The following E2F3 variants were observed in gnomAD, a reference collection of about 807,000 sequenced individuals.
E2F3 encodes the protein E2F transcription factor 3, also known as transcription factor E2F3.
A neutral mutation model predicts 44.4 loss-of-function variants in E2F3; 11 were observed. That is an observed-to-expected ratio of 0.25 (90% CI 0.16 to 0.41). E2F3 has a LOEUF of 0.41. E2F3 is among the 10% of genes least tolerant of loss of function. The pLI, the probability that E2F3 is intolerant of heterozygous loss-of-function variation, is 1.00. For missense variants in E2F3, 487 were observed against 583.6 expected, an observed-to-expected ratio of 0.83 and a Z score of 1.70; for synonymous variants, 249 against 253.0, an observed-to-expected ratio of 0.98 and a Z score of 0.15.
chr6:20,469,011 G>A (rs962632617), intron 1 of E2F3, among the ~76,000 whole-genome samples: 1 of 152,154 alleles, frequency 6.6e-6, no homozygotes, highest in Non-Finnish European at 1.5e-5. Flanking sequence ...AGAGCTTCAG[G>A]CAGGAGGAAA....
In E2F3 at chr6:20,493,530, T is replaced by A. The variant is rs1762608542; in HGVS notation, c.*3100T>A. ...AGTTTAGCTTTGTGTTGTATGCTAG[T>A]TTAAAAAAGAAAATATGTAATATAA... On this transcript the variant is annotated 3_prime_UTR_variant, in exon 7 of 7. Transcript: ENST00000346618. 1 of 218,916 alleles carries A rather than the reference T, an allele frequency of 4.6e-6. No individual in the cohort carries two copies. The highest frequency in any genetic ancestry group is 9.2e-6 in the Non-Finnish European group (1 of 109,022). 13.6% of individuals were successfully genotyped at this position (218,916 alleles called of 1,614,324 possible).
intron 1 of E2F3, among the ~76,000 whole-genome samples, chr6:20,428,767 T>C (rs1760300495): frequency 6.6e-6 from 1 of 152,254 alleles, no homozygotes; most frequent in Non-Finnish European, 1.5e-5. Flanking sequence ...TAAATCTATT[T>C]TAATTGTTCC....
At chr6:20,412,768 G>T (rs1303442199) in intron 1 of E2F3, among the ~76,000 whole-genome samples, 2 of 152,182 alleles carry the variant, frequency 1.3e-5, no homozygotes, top group Admixed American at 6.5e-5. Flanking sequence ...TTCTCAAAAT[G>T]CCAGAAATCT....
In E2F3 at chr6:20,490,478, G is replaced by A; in HGVS notation, c.*48G>A. On this transcript the variant is annotated 3_prime_UTR_variant, in exon 7 of 7. Coordinates refer to ENST00000346618, the MANE Select transcript of E2F3 (RefSeq NM_001949.5). This position sits in a 1 kb window ranked among gnomAD's most constrained non-coding sequence, Gnocchi z 4.3. ...TTAAAAACCGATATTTTTTTATCAT[G>A]GAACCAGAACATCTGTCATGCAGTG... is the stretch of plus-strand genomic sequence containing the variant. 2 of 1,514,158 alleles carry A rather than the reference G, an allele frequency of 1.3e-6. No homozygotes were observed. Among genetic ancestry groups the A allele is most frequent in the Non-Finnish European group, 1.8e-6 (2 of 1,128,950 alleles). 93.8% of individuals were successfully genotyped at this position (1,514,158 alleles called of 1,614,324 possible).
intron 1 of E2F3, among the ~76,000 whole-genome samples, chr6:20,477,166 G>T (rs574533828): frequency 6.6e-6 from 1 of 151,922 alleles, no homozygotes; most frequent in African/African-American, 2.4e-5. Flanking sequence ...GTGATGGGGG[G>T]TCTTGCTACG....
intron 1 of E2F3, among the ~76,000 whole-genome samples, chr6:20,466,129 T>G (rs9295470): frequency 0.93 from 137,567 of 147,720 alleles, 64,134 homozygotes; most frequent in East Asian, 1. Context: ...GGGCGGGGGG[T>G]GTGGGCAGAG....
intron 1 of E2F3, among the ~76,000 whole-genome samples, chr6:20,429,399 G>A (rs972335090): frequency 2.0e-5 from 3 of 152,090 alleles, no homozygotes; most frequent in Admixed American, 2.0e-4. Flanking sequence ...AATACCACCT[G>A]GGACTTGAGT....
chr6:20,431,487 G>C (rs530473343), intron 1 of E2F3, among the ~76,000 whole-genome samples: 1 of 152,246 alleles, frequency 6.6e-6, no homozygotes, highest in Admixed American at 6.5e-5. Flanking sequence ...GGAGCAGACT[G>C]AACATATTGC....
rs1761605228 is a variant in E2F3 at position 20,463,738 on chromosome 6, A to G, written c.394-16108A>G. On this transcript the variant is annotated intron_variant, in intron 1 of 6. Transcript: ENST00000346618. Reference sequence around the variant, plus strand: ...TCCCTAGACATCAAGCAAGCAATTCATTCTGCAGTGGACACCAGCTGGGTG... The same window carrying G: ...TCCCTAGACATCAAGCAAGCAATTCGTTCTGCAGTGGACACCAGCTGGGTG... Among the ~76,000 whole-genome samples, 4 of 152,180 alleles carry G rather than the reference A, an allele frequency of 2.6e-5. No individual in the cohort carries two copies. In the South Asian group the frequency reaches 8.3e-4, roughly 31 times the overall value.
In E2F3 at chr6:20,480,024, G is replaced by A; in HGVS notation, c.505+67G>A. 10 of 1,533,002 alleles carry A rather than the reference G, an allele frequency of 6.5e-6. No homozygotes were observed. In the South Asian group the frequency reaches 1.2e-4, roughly 19 times the overall value. The allele number at this position is 1,533,002 out of a possible 1,614,324, so 95.0% of individuals were successfully genotyped here. ...GCATTTCCAAGTTTCAAAGCTTATG[G>A]CCGGAAGGATGCCAAGGTGTGAATA... On this transcript the variant is annotated intron_variant, in intron 2 of 6. Coordinates refer to ENST00000346618, the MANE Select transcript of E2F3 (RefSeq NM_001949.5).
At chr6:20,477,474 G>C (rs1762085451) in intron 1 of E2F3, among the ~76,000 whole-genome samples, 1 of 152,138 alleles carries the variant, frequency 6.6e-6, no homozygotes, top group Admixed American at 6.5e-5. Context: ...GTGTGAAATA[G>C]GCCGTGCTGG....
intron 1 of E2F3, among the ~76,000 whole-genome samples, chr6:20,440,869 G>T (rs1050422355): frequency 6.6e-6 from 1 of 152,050 alleles, no homozygotes; most frequent in Non-Finnish European, 1.5e-5. Context: ...GATGATCAAG[G>T]AGAGGGAAAA....
At chr6:20,403,785 C>T (rs1237096512) in intron 1 of E2F3, 4 of 1,497,746 alleles carry the variant, frequency 2.7e-6, no homozygotes, top group East Asian at 5.6e-5. Flanking sequence ...CGGCCCCCCA[C>T]CTCCCCCCGG....
intron 1 of E2F3, among the ~76,000 whole-genome samples, chr6:20,408,680 A>C (rs971315505): frequency 6.6e-6 from 1 of 152,186 alleles, no homozygotes; most frequent in African/African-American, 2.4e-5. Context: ...GCAGGCCCCC[A>C]CTTAGCTTTG....
At chr6:20,460,369 A>G (rs990653737) in intron 1 of E2F3, among the ~76,000 whole-genome samples, 1 of 151,900 alleles carries the variant, frequency 6.6e-6, no homozygotes, top group Non-Finnish European at 1.5e-5. Context: ...GCCTTTTTCT[A>G]TGTATTTTCA....
intron 1 of E2F3, among the ~76,000 whole-genome samples, chr6:20,406,834 T>C (rs183449831): frequency 6.6e-5 from 10 of 152,316 alleles, no homozygotes; most frequent in African/African-American, 2.2e-4. Flanking sequence ...AATTCCATCT[T>C]AGTTGGTGAA....
At chr6:20,461,677 T>G (rs577399769) in intron 1 of E2F3, among the ~76,000 whole-genome samples, 1 of 152,344 alleles carries the variant, frequency 6.6e-6, no homozygotes, top group South Asian at 2.1e-4. Flanking sequence ...CTGAGGTTTT[T>G]TTGTTTGTTT....
chr6:20,426,438 G>A (rs1413764846), intron 1 of E2F3, among the ~76,000 whole-genome samples: 6 of 152,212 alleles, frequency 3.9e-5, no homozygotes. Flanking sequence ...TTTTGTGAAA[G>A]CATAGGTTTA....
At chr6:20,418,103 G>A (rs1019623713) in intron 1 of E2F3, among the ~76,000 whole-genome samples, 5 of 152,104 alleles carry the variant, frequency 3.3e-5, no homozygotes, top group African/African-American at 1.2e-4. Flanking sequence ...GTAGACAAGG[G>A]GTGGCCCTCA....
Sources: allele counts gnomAD v4.1 joint callset (sites outside exome capture counted in the v4.1 genomes callset), GRCh38; gene constraint gnomAD v4.1.1; non-coding constraint Gnocchi (gnomAD v3.1); transcripts MANE v1.5; gene names NCBI Gene and HGNC (gene_info 2026-07-23, HGNC 2026-07-21).